The following PRKAR2B variants were observed in gnomAD, a reference collection of about 807,000 sequenced individuals.
The protein encoded by PRKAR2B is cAMP-dependent protein kinase type II-beta regulatory subunit.
A neutral mutation model predicts 49.9 loss-of-function variants in PRKAR2B; 14 were observed. The ratio of observed to expected loss-of-function variants is 0.28; its 90% confidence interval spans 0.19 to 0.44. The LOEUF is 0.44. Ranked by LOEUF, PRKAR2B falls within the 20% of genes least tolerant of loss-of-function variation. The pLI is 1.00. For synonymous variants in PRKAR2B, 196 were observed against 197.7 expected (o/e 0.99, Z 0.07); for missense variants, 393 against 537.9 (o/e 0.73, Z 2.67).
intron 8 of PRKAR2B, among the ~76,000 whole-genome samples, chr7:107,155,900 T>TA (rs1451843078): frequency 6.6e-6 from 1 of 152,152 alleles, no homozygotes; most frequent in Non-Finnish European, 1.5e-5. Flanking sequence ...ACGTGGTACA[T>TA]ATATACCATG....
chr7:107,115,814 T>G (rs1373677413), intron 2 of PRKAR2B, among the ~76,000 whole-genome samples: 1 of 152,224 alleles, frequency 6.6e-6, no homozygotes, highest in East Asian at 1.9e-4. Flanking sequence ...TTGCTGAAGT[T>G]AGGACTGACC....
intron 1 of PRKAR2B, among the ~76,000 whole-genome samples, chr7:107,061,896 C>T (rs779167261): frequency 8.0e-5 from 12 of 150,806 alleles, no homozygotes; most frequent in Admixed American, 5.9e-4. Flanking sequence ...GACTCTGTCT[C>T]GGAAAAAAAA....
Position 107,044,833 on chromosome 7 carries a change from G to A in PRKAR2B, c.-75G>A. Reference sequence around the variant, plus strand: ...CGCCAGCGCCGTAGGCGCTCGCTCGGCAGCCGCGGGGCCCTAGGCCGTGCC... The same window carrying A: ...CGCCAGCGCCGTAGGCGCTCGCTCGACAGCCGCGGGGCCCTAGGCCGTGCC... On this transcript the variant is annotated 5_prime_UTR_variant, in exon 1 of 11. Coordinates refer to ENST00000265717, the MANE Select transcript of PRKAR2B (RefSeq NM_002736.3). The A allele has an allele frequency of 8.2e-7, 1 of 1,218,550 alleles. No homozygotes were observed. Among genetic ancestry groups the A allele is most frequent in the Non-Finnish European group, 1.0e-6 (1 of 957,268 alleles). 75.5% of individuals were successfully genotyped at this position (1,218,550 alleles called of 1,614,324 possible). A position where few individuals can be genotyped will look rare whatever the true frequency, so the allele number is the denominator to read the frequency against.
intron 1 of PRKAR2B, chr7:107,066,979 G>T (rs535269452): frequency 3.4e-4 from 52 of 152,300 alleles, no homozygotes; most frequent in Non-Finnish European, 6.3e-4. Flanking sequence ...GTTCATCTAC[G>T]CCATCAGAAG....
intron 10 of PRKAR2B, among the ~76,000 whole-genome samples, chr7:107,158,547 A>G (rs1466125771): frequency 2.0e-5 from 3 of 152,168 alleles, no homozygotes; most frequent in African/African-American, 7.2e-5. Context: ...TACACGATAA[A>G]TTAATCATTC....
intron 2 of PRKAR2B, among the ~76,000 whole-genome samples, chr7:107,091,244 G>A (rs186059601): frequency 1.5e-4 from 23 of 152,278 alleles, no homozygotes; most frequent in African/African-American, 3.6e-4. Flanking sequence ...TTTATATGTG[G>A]TTGGTTGTGC....
chr7:107,100,730 G>A lies in PRKAR2B; in HGVS notation c.344-21222G>A, dbSNP rs113867313. 6.6e-5 allele frequency among the ~76,000 whole-genome samples: 10 copies of A among 150,792 alleles called. 3 individuals are homozygous for A. Among genetic ancestry groups the A allele is most frequent in the African/African-American group, 2.4e-4 (10 of 41,156 alleles). Reference sequence around the variant, plus strand: ...ATAATTTCCCTTAATCTGTCATCAGGTTCCTGATTCTTTCTTTTGCCACTT... The same window carrying A: ...ATAATTTCCCTTAATCTGTCATCAGATTCCTGATTCTTTCTTTTGCCACTT... On this transcript the variant is annotated intron_variant, in intron 2 of 10. Transcript: ENST00000265717.
intron 3 of PRKAR2B, among the ~76,000 whole-genome samples, chr7:107,122,965 G>A (rs1453751409): frequency 1.3e-5 from 2 of 152,182 alleles, no homozygotes; most frequent in African/African-American, 2.4e-5. Context: ...GCCTGGAAAT[G>A]ATGTTGTTTT....
intron 2 of PRKAR2B, among the ~76,000 whole-genome samples, chr7:107,105,373 G>C (rs1795052305): frequency 6.6e-6 from 1 of 152,164 alleles, no homozygotes; most frequent in Non-Finnish European, 1.5e-5. Context: ...TCCCAGTAAA[G>C]GAATAGGACA....
chr7:107,102,074 G>A (rs567930843), intron 2 of PRKAR2B, among the ~76,000 whole-genome samples: 1 of 152,220 alleles, frequency 6.6e-6, no homozygotes, highest in East Asian at 1.9e-4. Context: ...GGGCATGGTG[G>A]CACGTGCCTG....
chr7:107,124,267 A>C (rs1393417196), intron 3 of PRKAR2B, among the ~76,000 whole-genome samples: 1 of 152,208 alleles, frequency 6.6e-6, no homozygotes, highest in African/African-American at 2.4e-5. Flanking sequence ...ACTGGTAGAG[A>C]AGAGCTAATA....
chr7:107,147,240 G>A (rs566636965), intron 6 of PRKAR2B, among the ~76,000 whole-genome samples: 3 of 152,218 alleles, frequency 2.0e-5, no homozygotes, highest in African/African-American at 7.2e-5. Flanking sequence ...GAACCCGGGA[G>A]GCGGAGCTTG....
intron 4 of PRKAR2B, among the ~76,000 whole-genome samples, chr7:107,134,488 G>T (rs1795660649): frequency 6.6e-6 from 1 of 152,006 alleles, no homozygotes; most frequent in African/African-American, 2.4e-5. Context: ...TTTTGCTGTT[G>T]CCACTATGTT....
At chr7:107,092,387 C>T (rs1324109580) in intron 2 of PRKAR2B, among the ~76,000 whole-genome samples, 1 of 151,672 alleles carries the variant, frequency 6.6e-6, no homozygotes, top group Non-Finnish European at 1.5e-5. Flanking sequence ...CTACCTATTC[C>T]TTTCATGGTG....
intron 7 of PRKAR2B, among the ~76,000 whole-genome samples, chr7:107,152,070 C>G (rs753942568): frequency 6.6e-6 from 1 of 152,168 alleles, no homozygotes; most frequent in Non-Finnish European, 1.5e-5. Flanking sequence ...TTTCTCTTTC[C>G]CCGCAGATGG....
intron 1 of PRKAR2B, among the ~76,000 whole-genome samples, chr7:107,047,246 C>T (rs944397889): frequency 6.6e-6 from 1 of 152,204 alleles, no homozygotes. Context: ...GTACTTCCTT[C>T]TGTCAGATGC....
chr7:107,045,689 G>A, intron 1 of PRKAR2B, among the ~76,000 whole-genome samples: 1 of 152,194 alleles, frequency 6.6e-6, no homozygotes, highest in East Asian at 1.9e-4. Context: ...TGTTAGGACG[G>A]TAGATTCGCT....
intron 5 of PRKAR2B, among the ~76,000 whole-genome samples, chr7:107,143,130 TCTC>T (rs1347910348): frequency 2.0e-5 from 3 of 152,300 alleles, no homozygotes; most frequent in African/African-American, 4.8e-5. Context: ...TCATTTTACT[TCTC>T]CTCGGCACAT....
At chr7:107,137,425 T>G (rs572408014) in intron 4 of PRKAR2B, among the ~76,000 whole-genome samples, 1 of 152,298 alleles carries the variant, frequency 6.6e-6, no homozygotes, top group South Asian at 2.1e-4. Context: ...ACAGCAGAGC[T>G]TTTTGGTGAA....
Sources: allele counts gnomAD v4.1 joint callset (sites outside exome capture counted in the v4.1 genomes callset), GRCh38; gene constraint gnomAD v4.1.1; transcripts MANE v1.5; gene names NCBI Gene and HGNC (gene_info 2026-07-23, HGNC 2026-07-21).